The following MALRD1 variants were observed in gnomAD, a reference collection of about 807,000 sequenced individuals.
MALRD1 encodes the protein MAM and LDL-receptor class A domain-containing protein 1.
A neutral mutation model predicts 242.1 loss-of-function variants in MALRD1; 247 were observed. The observed-to-expected ratio is 1.02, with a 90% CI of 0.92 to 1.13. MALRD1 has a LOEUF of 1.13. Among genes scored for constraint, MALRD1 ranks in the 50% most tolerant of loss-of-function variants. The probability of loss-of-function intolerance (pLI) is 0.00; values close to 1 mark genes in which losing one functional copy is unlikely to be tolerated. For synonymous variants in MALRD1, 995 were observed against 866.6 expected (o/e 1.15, Z -2.60); for missense variants, 2,989 against 2,533.1 (o/e 1.18, Z -3.86).
chr10:19,428,003 A>G (rs1376555108), intron 28 of MALRD1, among the ~76,000 whole-genome samples: 1 of 152,168 alleles, frequency 6.6e-6, no homozygotes, highest in Non-Finnish European at 1.5e-5. Flanking sequence ...AGCTAGAAGC[A>G]TCAAGAGCTG....
At chr10:19,048,702 A>G, upstream of MALRD1, 1 of 329,284 alleles carries the variant, frequency 3.0e-6, no homozygotes, top group Non-Finnish European at 5.5e-6. Context: ...AATCATCTAT[A>G]GTTAGCTAGA....
At chr10:19,442,868 T>G (rs1378820600) in intron 28 of MALRD1, among the ~76,000 whole-genome samples, 1 of 152,168 alleles carries the variant, frequency 6.6e-6, no homozygotes, top group Non-Finnish European at 1.5e-5. Context: ...CTTTCTCTCT[T>G]GATTGGAATA....
chr10:19,393,564 G>A (rs998943130), intron 28 of MALRD1, among the ~76,000 whole-genome samples: 1 of 148,366 alleles, frequency 6.7e-6, no homozygotes, highest in African/African-American at 2.5e-5. Flanking sequence ...TCCTGCCTCA[G>A]CCTCCCAAGT....
At chr10:19,627,990 A>G (rs900598041) in intron 36 of MALRD1, among the ~76,000 whole-genome samples, 10 of 152,186 alleles carry the variant, frequency 6.6e-5, no homozygotes, top group Admixed American at 1.3e-4. Flanking sequence ...GATAAACTAG[A>G]CAAACATTAT....
intron 2 of MALRD1, among the ~76,000 whole-genome samples, chr10:19,076,288 C>G (rs1835315761): frequency 6.6e-6 from 1 of 151,902 alleles, no homozygotes; most frequent in Admixed American, 6.6e-5. Context: ...TATCATCTAT[C>G]TATCTACCTA....
Position 19,440,545 on chromosome 10 carries a change from C to A in MALRD1, c.4846-9762C>A, listed in dbSNP as rs186862776. ...TGTGTGATGTTCCCCACCCTGTGTC[C>A]AAGTGTTCTCATTGTTCAATTCCCA... On this transcript the variant is annotated intron_variant, in intron 28 of 39. Coordinates refer to ENST00000454679, the MANE Select transcript of MALRD1 (RefSeq NM_001142308.3). Among the ~76,000 whole-genome samples the A allele has an allele frequency of 2.7e-3, 409 of 152,204 alleles. 2 individuals carry two copies. Among genetic ancestry groups the A allele is most frequent in the African/African-American group, 9.2e-3 (380 of 41,512 alleles).
chr10:19,326,728 C>T (rs1215945158), intron 22 of MALRD1, among the ~76,000 whole-genome samples: 1 of 151,874 alleles, frequency 6.6e-6, no homozygotes, highest in Non-Finnish European at 1.5e-5. Flanking sequence ...ATTAAAAAAA[C>T]AGATAATGTA....
chr10:19,159,622 G>T (rs921550734), intron 12 of MALRD1, among the ~76,000 whole-genome samples: 6 of 151,690 alleles, frequency 4.0e-5, no homozygotes, highest in Admixed American at 3.3e-4. Context: ...GGTTTCAACA[G>T]GAGATGATCA....
At chr10:19,611,747 T>C (rs1838909363) in intron 35 of MALRD1, among the ~76,000 whole-genome samples, 1 of 152,010 alleles carries the variant, frequency 6.6e-6, no homozygotes, top group Admixed American at 6.6e-5. Context: ...TTGTTTTGAG[T>C]AAATCAAAGC....
At chr10:19,623,054 A>C (rs1839474878) in intron 36 of MALRD1, among the ~76,000 whole-genome samples, 1 of 152,084 alleles carries the variant, frequency 6.6e-6, no homozygotes, top group South Asian at 2.1e-4. Flanking sequence ...ACACTATAGA[A>C]ATAAGCAGTA....
intron 19 of MALRD1, among the ~76,000 whole-genome samples, chr10:19,270,326 TCTCTCTCTCTCACA>T (rs1564517379): frequency 2.3e-5 from 2 of 88,430 alleles, no homozygotes; most frequent in Non-Finnish European, 4.2e-5. Flanking sequence ...CTTCTCTCTC[TCTCTCTCTCTCACA>T]CACACACACA....
intron 34 of MALRD1, chr10:19,598,316 C>T (rs949146044): frequency 2.0e-5 from 3 of 152,040 alleles, no homozygotes; most frequent in East Asian, 3.9e-4. Context: ...TGTAGTAGGG[C>T]ACCAGAAGCA....
chr10:19,062,162 G>GA (rs1198924429), intron 1 of MALRD1, among the ~76,000 whole-genome samples: 1 of 151,984 alleles, frequency 6.6e-6, no homozygotes, highest in Non-Finnish European at 1.5e-5. Flanking sequence ...ATAAGCACAT[G>GA]AAAAAATACT....
chr10:19,367,803 C>T (rs1228239325), intron 26 of MALRD1, among the ~76,000 whole-genome samples: 1 of 152,034 alleles, frequency 6.6e-6, no homozygotes, highest in African/African-American at 2.4e-5. Flanking sequence ...AGCCATCCTA[C>T]AAGGGTGATG....
intron 26 of MALRD1, among the ~76,000 whole-genome samples, chr10:19,363,034 C>G (rs1201635367): frequency 6.6e-6 from 1 of 152,024 alleles, no homozygotes; most frequent in Non-Finnish European, 1.5e-5. Context: ...GGGGAGAGTT[C>G]AGGCATTCAA....
At chr10:19,683,873 C>T (rs542073641) in intron 36 of MALRD1, among the ~76,000 whole-genome samples, 19 of 152,218 alleles carry the variant, frequency 1.2e-4, no homozygotes, top group Non-Finnish European at 2.6e-4. Flanking sequence ...AACCCATCAT[C>T]TGGGTTTCAA....
chr10:19,594,509 T>C (rs1366798081), intron 33 of MALRD1, among the ~76,000 whole-genome samples: 1 of 152,118 alleles, frequency 6.6e-6, no homozygotes, highest in Non-Finnish European at 1.5e-5. Context: ...AAAAAAGTTA[T>C]TATATGAAAA....
rs1491504993 is a variant in MALRD1, at chr10:19,547,819, T to TATATATATATATATA, written c.5478+16468_5478+16469insATATATATATATATA. ...ATATATATATATATATATATATATA[T>TATATATATATATATA]TTTTTTTTTTTTTTTTTTTTTTTTT... is the stretch of plus-strand genomic sequence containing the variant. On this transcript the variant is annotated intron_variant, in intron 32 of 39. Transcript: ENST00000454679. 8.1e-3 allele frequency among the ~76,000 whole-genome samples: 101 copies of TATATATATATATATA among 12,448 alleles called. 6 individuals are homozygous for TATATATATATATATA. The highest frequency in any genetic ancestry group is 0.023 in the Admixed American group (12 of 512). 8.2% of individuals were successfully genotyped at this position (12,448 alleles called of 152,430 possible).
At chr10:19,544,602 G>C (rs1253562793) in intron 32 of MALRD1, among the ~76,000 whole-genome samples, 1 of 149,168 alleles carries the variant, frequency 6.7e-6, no homozygotes, top group Non-Finnish European at 1.5e-5. Context: ...AATTTTTATT[G>C]TCTATTAAAG....
Sources: allele counts gnomAD v4.1 joint callset (sites outside exome capture counted in the v4.1 genomes callset), GRCh38; gene constraint gnomAD v4.1.1; transcripts MANE v1.5; gene names NCBI Gene and HGNC (gene_info 2026-07-23, HGNC 2026-07-21).